Variants in COL15A1 observed in about 807,000 individuals in gnomAD.
COL15A1 encodes collagen alpha-1(XV) chain.
COL15A1 carries 111 observed loss-of-function variants against 165.9 expected under a neutral mutation model. That is an observed-to-expected ratio of 0.67 (90% confidence interval 0.57 to 0.78). COL15A1 has a LOEUF of 0.78. COL15A1 is among the 30% of genes least tolerant of loss of function. The pLI is 0.00. For synonymous variants in COL15A1, 659 were observed against 674.8 expected, an observed-to-expected ratio of 0.98 and a Z score of 0.36; for missense variants, 1,745 against 1,789.7, an observed-to-expected ratio of 0.98 and a Z score of 0.45.
chr9:99,014,500 A>G (rs1838897323), intron 9 of COL15A1, among the ~76,000 whole-genome samples: 2 of 152,356 alleles, frequency 1.3e-5, no homozygotes. Flanking sequence ...GGCCTCAGCA[A>G]ATTGTCCTAT....
chr9:99,030,831 T>C (rs996354399), intron 16 of COL15A1, among the ~76,000 whole-genome samples: 1 of 152,220 alleles, frequency 6.6e-6, no homozygotes, highest in Non-Finnish European at 1.5e-5. Flanking sequence ...ATGCACAAGA[T>C]TGGCACTTTC....
At chr9:99,003,905 A>G (rs1384378429) in intron 8 of COL15A1, among the ~76,000 whole-genome samples, 1 of 152,138 alleles carries the variant, frequency 6.6e-6, no homozygotes, top group African/African-American at 2.4e-5. Flanking sequence ...GCACTGAAAA[A>G]GGGGCCCAGA....
In COL15A1 at chr9:99,014,787, A is replaced by T. The variant is rs530118543; in HGVS notation, c.1354-630A>T. The stretch of plus-strand genomic sequence containing the variant: ...AGGGAGACATGAGACATCAATCAGT[A>T]TATATAAGGTGTACATTTGTGCTGT... On this transcript the variant is annotated intron_variant, in intron 9 of 41. Coordinates refer to ENST00000375001, the MANE Select transcript of COL15A1 (RefSeq NM_001855.5). 1.6e-4 allele frequency among the ~76,000 whole-genome samples: 24 copies of T among 152,310 alleles called. 1 individual carries two copies. In the South Asian group the frequency reaches 4.8e-3, roughly 30 times the overall value.
At chr9:99,053,260 G>A (rs765320966) in intron 31 of COL15A1, among the ~76,000 whole-genome samples, 11 of 152,140 alleles carry the variant, frequency 7.2e-5, no homozygotes, top group Admixed American at 6.5e-5. Context: ...GTGTCACCCC[G>A]GCCCACGAGG....
chr9:99,026,027 T>A, intron 16 of COL15A1, 61 bp downstream of exon 16: 1 of 1,497,774 alleles, frequency 6.7e-7, no homozygotes, highest in Non-Finnish European at 9.0e-7. Context: ...CTACTCTCTC[T>A]GACCCCTAAA....
chr9:99,027,882 C>A (rs1839153463), intron 16 of COL15A1, among the ~76,000 whole-genome samples: 1 of 152,166 alleles, frequency 6.6e-6, no homozygotes, highest in Non-Finnish European at 1.5e-5. Flanking sequence ...CCAAAAAAGT[C>A]CCTAATAAAC....
At chr9:99,018,453 C>T (rs1188616845) in intron 11 of COL15A1, among the ~76,000 whole-genome samples, 2 of 152,182 alleles carry the variant, frequency 1.3e-5, no homozygotes, top group Non-Finnish European at 2.9e-5. Context: ...CATATATTAA[C>T]AATCATAAGA....
chr9:99,001,450 ATTCCT>A (rs1449770194), intron 7 of COL15A1, among the ~76,000 whole-genome samples: 30 of 152,338 alleles, frequency 2.0e-4, no homozygotes, highest in African/African-American at 7.2e-4. Flanking sequence ...ACGCCAGCTC[ATTCCT>A]TCCCTTCTCC....
Position 99,056,180 on chromosome 9 carries a change from A to G in COL15A1, c.3193-80A>G, listed in dbSNP as rs1412435169. The G allele has an allele frequency of 3.7e-6, 5 of 1,368,298 alleles. No individual in the cohort carries two copies. In the African/African-American group the frequency reaches 4.3e-5, roughly 12 times the overall value. 84.8% of individuals were successfully genotyped at this position (1,368,298 alleles called of 1,614,324 possible). A position where few individuals can be genotyped will look rare whatever the true frequency, so the allele number is the denominator to read the frequency against. On this transcript the variant is annotated intron_variant, in intron 34 of 41. Coordinates refer to ENST00000375001, the MANE Select transcript of COL15A1 (RefSeq NM_001855.5). ...GCTGGTGTTTATTGATTTCTTTTAA[A>G]TATTCTCATAAAAGGACTAGATGGG...
rs377304205 is a variant in COL15A1, at chr9:98,989,764, C to T, written c.804+506C>T. Among the ~76,000 whole-genome samples the T allele has an allele frequency of 3.5e-4, 54 of 152,296 alleles. No individual in the cohort carries two copies. The East Asian group carries it at 0.01, about 28-fold the overall frequency. On this transcript the variant is annotated intron_variant, in intron 5 of 41. Coordinates refer to ENST00000375001, the MANE Select transcript of COL15A1 (RefSeq NM_001855.5). ...AGCTGTGAAAGCACAGTCAGGACCC[C>T]AGTCTTGTGAGTCACAGAGTCCTCC...
At chr9:99,057,310 G>A (rs1240417515) in intron 35 of COL15A1, among the ~76,000 whole-genome samples, 1 of 152,130 alleles carries the variant, frequency 6.6e-6, no homozygotes. Context: ...TAATGATGTT[G>A]AGCATCTTTT....
At chr9:99,062,630 T>G (rs1306084727) in intron 38 of COL15A1, among the ~76,000 whole-genome samples, 10 of 152,176 alleles carry the variant, frequency 6.6e-5, no homozygotes, top group Admixed American at 2.0e-4. Flanking sequence ...TCCTTTAATT[T>G]TTGGCACCAT....
intron 2 of COL15A1, among the ~76,000 whole-genome samples, chr9:98,961,986 G>A (rs1564012209): frequency 6.6e-6 from 1 of 152,244 alleles, no homozygotes. Flanking sequence ...GCCTGGCAAA[G>A]AGGTGGTGGA....
At chr9:99,014,066 A>C (rs879781476) in intron 9 of COL15A1, among the ~76,000 whole-genome samples, 1 of 152,132 alleles carries the variant, frequency 6.6e-6, no homozygotes, top group Non-Finnish European at 1.5e-5. Flanking sequence ...TTCAGATTTG[A>C]CCAAGTCAGG....
Position 99,024,973 on chromosome 9 carries a change from G to A in COL15A1, c.1954G>A (p.Gly652Arg). 1 of 1,613,770 alleles carries A rather than the reference G, an allele frequency of 6.2e-7. No homozygotes were observed. The highest frequency in any genetic ancestry group is 8.5e-7 in the Non-Finnish European group (1 of 1,179,790). ...ACCCCCTGGATCTCCTGGAGAGGAT[G>A]GACCTGCTGGTGAACCTGGGCCCCC... is the stretch of plus-strand genomic sequence containing the variant. ...MGPPGSPGED[G>R]PAGEPGPPGP... Residue 652 changes from glycine to arginine, a missense_variant, in exon 15 of 42, where the codon GGA becomes AGA. Coordinates refer to ENST00000375001, the MANE Select transcript of COL15A1 (RefSeq NM_001855.5).
intron 2 of COL15A1, among the ~76,000 whole-genome samples, chr9:98,956,344 AC>A (rs1171633897): frequency 2.6e-5 from 4 of 151,950 alleles, no homozygotes; most frequent in African/African-American, 9.7e-5. Flanking sequence ...AACAACAACA[AC>A]CAAAAAACAG....
Position 99,049,923 on chromosome 9 carries a change from C to T in COL15A1, c.2904+28C>T, listed in dbSNP as rs79180834. 8.8e-4 allele frequency: 1,419 copies of T among 1,614,148 alleles called. 10 individuals carry two copies. In the African/African-American group the frequency reaches 0.016, roughly 18 times the overall value. On this transcript the variant is annotated intron_variant, in intron 30 of 41. Coordinates refer to ENST00000375001, the MANE Select transcript of COL15A1 (RefSeq NM_001855.5). ...AAGTAGCAATCACTGCCTTAAAGAG[C>T]AGGCTTTGGCATGGATAGCAACTTG...
At chr9:98,970,914 C>T (rs947801501) in intron 2 of COL15A1, among the ~76,000 whole-genome samples, 11 of 151,944 alleles carry the variant, frequency 7.2e-5, no homozygotes, top group Admixed American at 5.2e-4. Flanking sequence ...CGTGAACCTT[C>T]GAAAGTATGT....
At position 98,989,266 on chromosome 9, in the gene COL15A1, C is replaced by T. The variant is rs369758486; in HGVS notation, c.804+8C>T. The stretch of plus-strand genomic sequence containing the variant: ...ACCTACACTCAAGCCTCGGTGAGTA[C>T]TGGGATGCTGTGCCATGTGATCTTG... On this transcript the variant is annotated splice_region_variant and intron_variant, in intron 5 of 41. Coordinates refer to ENST00000375001, the MANE Select transcript of COL15A1 (RefSeq NM_001855.5). The T allele has an allele frequency of 6.9e-6, 11 of 1,605,322 alleles. No individual in the cohort carries two copies. The South Asian group carries it at 9.9e-5, about 14-fold the overall frequency.
Sources: gnomAD v4.1 joint callset for allele counts (sites outside exome capture counted in the v4.1 genomes callset) on GRCh38, gnomAD v4.1.1 for gene constraint, MANE v1.5 for transcripts, NCBI Gene and HGNC (gene_info 2026-07-23, HGNC 2026-07-21) for gene names.